Variants in PKN2 observed in about 807,000 individuals in gnomAD.
The protein encoded by PKN2 is serine/threonine-protein kinase N2.
In PKN2, 38 loss-of-function variants were observed where a neutral mutation model predicts 119.1. The ratio of observed to expected loss-of-function variants is 0.32; its 90% CI spans 0.25 to 0.42. The LOEUF (loss-of-function observed/expected upper bound fraction) is 0.42. PKN2 is among the 10% of genes least tolerant of loss of function. The pLI is 1.00. For synonymous variants in PKN2, 390 were observed against 384.9 expected, an observed-to-expected ratio of 1.01 and a Z score of -0.15; for missense variants, 850 against 1,165.1, an observed-to-expected ratio of 0.73 and a Z score of 3.94.
intron 2 of PKN2, among the ~76,000 whole-genome samples, chr1:88,745,082 A>T (rs899789384): frequency 6.6e-6 from 1 of 152,204 alleles, no homozygotes; most frequent in Non-Finnish European, 1.5e-5. Context: ...TAAAAATTCT[A>T]TGAACAAATT....
intron 1 of PKN2, among the ~76,000 whole-genome samples, chr1:88,706,972 T>A (rs1667028679): frequency 6.6e-6 from 1 of 152,132 alleles, no homozygotes; most frequent in South Asian, 2.1e-4. Flanking sequence ...TTTGGTCAGA[T>A]GTTTTGGGAA....
chr1:88,826,921 T>C (rs1476721302), intron 18 of PKN2, among the ~76,000 whole-genome samples: 2 of 152,144 alleles, frequency 1.3e-5, no homozygotes, highest in African/African-American at 4.8e-5. Flanking sequence ...TTAAATAATA[T>C]TTTATTGAAG....
Position 88,807,665 on chromosome 1 carries a change from T to C in PKN2, c.2011-19T>C. 1.3e-6 allele frequency: 2 copies of C among 1,565,592 alleles called. No individual in the cohort carries two copies. Among genetic ancestry groups the C allele is most frequent in the East Asian group, 4.5e-5 (2 of 44,518 alleles). ...ATTAATAACTCAAGTGGAAAATAAT[T>C]ATTTTAATTTTATTTCAGGTGCTTT... On this transcript the variant is annotated intron_variant, in intron 14 of 21. Transcript: ENST00000370521.
rs189698288 is a variant in PKN2 at position 88,793,128 on chromosome 1, G to A, written c.1281+6915G>A. Among the ~76,000 whole-genome samples the A allele has an allele frequency of 6.8e-4, 104 of 152,274 alleles. 1 individual carries two copies. The Middle Eastern group carries it at 0.027, about 40-fold the overall frequency. ...ACAGTACTACAGTTAATTTTATGCA[G>A]TTATGATTTAATATTGCATCTTGAT... On this transcript the variant is annotated intron_variant, in intron 8 of 21. Coordinates refer to ENST00000370521, the MANE Select transcript of PKN2 (RefSeq NM_006256.4).
chr1:88,811,190 C>T (rs115825129), intron 15 of PKN2, among the ~76,000 whole-genome samples: 2,884 of 152,260 alleles, frequency 0.019, 76 homozygotes, highest in African/African-American at 0.065. Flanking sequence ...AATGCCTCCT[C>T]ACTCAGCTTC....
intron 2 of PKN2, among the ~76,000 whole-genome samples, chr1:88,744,029 A>G (rs1570566346): frequency 2.0e-5 from 3 of 152,318 alleles, no homozygotes. Flanking sequence ...TGCAAATGGC[A>G]TATTTACACA....
At chr1:88,719,293 G>A in intron 1 of PKN2, among the ~76,000 whole-genome samples, 1 of 152,078 alleles carries the variant, frequency 6.6e-6, no homozygotes, top group East Asian at 1.9e-4. Context: ...TATTTCCTCA[G>A]GGATGTGGTT....
chr1:88,771,621 G>C lies in PKN2; in HGVS notation c.769-42G>C, dbSNP rs767399528. On this transcript the variant is annotated intron_variant, in intron 5 of 21. Transcript: ENST00000370521. Reference sequence around the variant, plus strand: ...TTAATAAATACATTATTCAAAGTATGTGATTATTTAAATGACAACAATTGT... The same window carrying C: ...TTAATAAATACATTATTCAAAGTATCTGATTATTTAAATGACAACAATTGT... 9.5e-6 allele frequency: 15 copies of C among 1,587,276 alleles called. No individual in the cohort carries two copies. The South Asian group carries it at 1.7e-4, about 18-fold the overall frequency.
Position 88,821,984 on chromosome 1 carries a change from G to T in PKN2, c.2323G>T (p.Glu775Ter). ...CVVLGLQYLHEHKIVYRDLKL... is the reference protein window; with the variant it reads ...CVVLGLQYLH ...AGTTCTTGGGTTGCAGTATTTACATGAACACAAAATTGTTTATAGGTAAGT... is the reference window on the plus strand; with the variant it reads ...AGTTCTTGGGTTGCAGTATTTACATTAACACAAAATTGTTTATAGGTAAGT... The change falls in exon 17 of 22, where the codon GAA (glutamate) becomes TAA (stop). Residue 775 changes from glutamate (E) to a stop codon, truncating the protein, a stop_gained. Transcript: ENST00000370521. LOFTEE classifies it high-confidence loss of function. 6.4e-7 allele frequency: 1 copy of T among 1,574,104 alleles called. No homozygotes were observed. Among genetic ancestry groups the T allele is most frequent in the South Asian group, 1.2e-5 (1 of 83,554 alleles).
At position 88,832,878 on chromosome 1, in the gene PKN2, T is replaced by A. The variant is rs750333874; in HGVS notation, c.2670+27T>A. Reference sequence around the variant, plus strand: ...TAAGAATTAAAATAAGGATAAGAATTTTTTAAAGACTACTTTAATTTTTTA... The same window carrying A: ...TAAGAATTAAAATAAGGATAAGAATATTTTAAAGACTACTTTAATTTTTTA... On this transcript the variant is annotated intron_variant, in intron 20 of 21. Coordinates refer to ENST00000370521, the MANE Select transcript of PKN2 (RefSeq NM_006256.4). The A allele has an allele frequency of 6.5e-6, 9 of 1,380,798 alleles. No homozygotes were observed. The African/African-American group carries it at 1.3e-4, about 20-fold the overall frequency. The allele number at this position is 1,380,798 out of a possible 1,614,324, so 85.5% of individuals were successfully genotyped here. A position where few individuals can be genotyped will look rare whatever the true frequency, so the allele number is the denominator to read the frequency against.
chr1:88,830,645 C>T (rs565328436), intron 19 of PKN2, among the ~76,000 whole-genome samples: 1 of 152,182 alleles, frequency 6.6e-6, no homozygotes, highest in South Asian at 2.1e-4. Context: ...AATCTACTCC[C>T]TCCTATTATA....
intron 6 of PKN2, 98 bp from the exon 7 acceptor site, chr1:88,784,541 A>ATT (rs149517865): frequency 0.032 from 19,218 of 604,776 alleles, 778 homozygotes; most frequent in African/African-American, 0.17. Context: ...TTGTTACCAG[A>ATT]TTTTTTTTTT....
chr1:88,685,925 T>C (rs765938264), intron 1 of PKN2, among the ~76,000 whole-genome samples: 1 of 152,198 alleles, frequency 6.6e-6, no homozygotes, highest in Non-Finnish European at 1.5e-5. Flanking sequence ...TTTGGTATAA[T>C]GGTTGATATT....
intron 16 of PKN2, among the ~76,000 whole-genome samples, chr1:88,820,355 G>A (rs1171521251): frequency 3.3e-5 from 5 of 149,964 alleles, no homozygotes; most frequent in Non-Finnish European, 7.4e-5. Context: ...ACCACATGGA[G>A]AAACCCCGTC....
chr1:88,834,653 A>G lies in PKN2; in HGVS notation c.*1205A>G, dbSNP rs1356369008. The stretch of plus-strand genomic sequence containing the variant: ...TAAAACAGTCTATATTTTATTAAAA[A>G]ATGAATTATAACACTAAAGCTGTAC... On this transcript the variant is annotated 3_prime_UTR_variant, in exon 22 of 22. Transcript: ENST00000370521. 1 of 152,456 alleles carries G rather than the reference A, an allele frequency of 6.6e-6. No individual in the cohort carries two copies. Among genetic ancestry groups the G allele is most frequent in the Non-Finnish European group, 1.5e-5 (1 of 67,962 alleles). The allele number at this position is 152,456 out of a possible 1,614,324, so 9.4% of individuals were successfully genotyped here.
chr1:88,759,911 A>G (rs925106365), intron 2 of PKN2, among the ~76,000 whole-genome samples: 3 of 152,198 alleles, frequency 2.0e-5, no homozygotes, highest in African/African-American at 4.8e-5. Flanking sequence ...TTCATAGCCA[A>G]ATTCTACCAG....
chr1:88,802,940 A>G (rs1326890039), intron 8 of PKN2, among the ~76,000 whole-genome samples: 1 of 152,224 alleles, frequency 6.6e-6, no homozygotes, highest in Non-Finnish European at 1.5e-5. Flanking sequence ...AATGGAGTCT[A>G]AATTACCAAT....
intron 8 of PKN2, 87 bp downstream of exon 8, chr1:88,786,300 A>T (rs1237538840): frequency 1.6e-6 from 1 of 621,978 alleles, no homozygotes; most frequent in Non-Finnish European, 2.8e-6. Flanking sequence ...AACAAGTTGT[A>T]TTCTTAACAA....
chr1:88,723,877 A>G (rs1369686216), intron 1 of PKN2, among the ~76,000 whole-genome samples: 2 of 152,136 alleles, frequency 1.3e-5, no homozygotes, highest in Admixed American at 6.6e-5. Flanking sequence ...CTTCTTATAT[A>G]ATATTTTGCC....
Sources: allele counts gnomAD v4.1 joint callset (sites outside exome capture counted in the v4.1 genomes callset), GRCh38; gene constraint gnomAD v4.1.1; transcripts MANE v1.5; gene names NCBI Gene and HGNC (gene_info 2026-07-23, HGNC 2026-07-21).